ARIH1: variants seen among roughly 807,000 people sequenced by gnomAD.
The protein encoded by ARIH1 is E3 ubiquitin-protein ligase ARIH1.
ARIH1 carries 8 observed loss-of-function variants against 85.0 expected under a neutral mutation model. That is an observed-to-expected ratio of 0.09 (90% confidence interval 0.06 to 0.17). The LOEUF is 0.17. Among genes scored for constraint, ARIH1 ranks in the 10% least tolerant of loss-of-function variants. ARIH1 has a pLI of 1.00. For synonymous variants in ARIH1, 238 were observed against 253.6 expected, an observed-to-expected ratio of 0.94 and a Z score of 0.59; for missense variants, 311 against 718.1, an observed-to-expected ratio of 0.43 and a Z score of 6.48.
intron 5 of ARIH1, among the ~76,000 whole-genome samples, chr15:72,558,658 T>C (rs1175518550): frequency 2.6e-5 from 4 of 152,230 alleles, no homozygotes; most frequent in African/African-American, 9.6e-5. Flanking sequence ...ATTGTCTTAT[T>C]AATGACCAGA....
At chr15:72,479,733 T>C (rs917357616) in intron 1 of ARIH1, among the ~76,000 whole-genome samples, 1 of 151,960 alleles carries the variant, frequency 6.6e-6, no homozygotes, top group Non-Finnish European at 1.5e-5. Context: ...GAAAAAAATA[T>C]CTAAGCCTTA....
chr15:72,518,045 T>A (rs770684232), intron 1 of ARIH1, 22 bp from the exon 2 acceptor site: 21 of 1,583,778 alleles, frequency 1.3e-5, no homozygotes, highest in Non-Finnish European at 1.5e-5. Flanking sequence ...TTAAAATGAC[T>A]TTTTTTCCCC....
chr15:72,544,054 CAT>C (rs1020898127), intron 2 of ARIH1, among the ~76,000 whole-genome samples: 1 of 151,950 alleles, frequency 6.6e-6, no homozygotes, highest in African/African-American at 2.4e-5. Context: ...TAGTACTTGG[CAT>C]ATATATACTC....
In ARIH1 at chr15:72,552,520, C is replaced by T. The variant is rs370184668; in HGVS notation, c.589-2751C>T. Among the ~76,000 whole-genome samples the T allele has an allele frequency of 2.2e-4, 33 of 152,228 alleles. No homozygotes were observed. The East Asian group carries it at 5.0e-3, about 23-fold the overall frequency. On this transcript the variant is annotated intron_variant, in intron 3 of 13. Transcript: ENST00000379887. ...GGCCTGGCTGGTCTCAAACTCCTGACCTCAAATGATCTGCCCGCCTTGGCC... is the reference window on the plus strand; with the variant it reads ...GGCCTGGCTGGTCTCAAACTCCTGATCTCAAATGATCTGCCCGCCTTGGCC...
intron 2 of ARIH1, among the ~76,000 whole-genome samples, chr15:72,532,950 G>A (rs939383403): frequency 1.3e-5 from 2 of 152,150 alleles, no homozygotes; most frequent in African/African-American, 4.8e-5. Flanking sequence ...ACATTTGTAG[G>A]AGATATCATA....
At chr15:72,517,150 G>C (rs1487529351) in intron 1 of ARIH1, among the ~76,000 whole-genome samples, 1 of 152,218 alleles carries the variant, frequency 6.6e-6, no homozygotes, top group Non-Finnish European at 1.5e-5. Context: ...CAGCCTAAAA[G>C]TATGCCCTGT....
intron 1 of ARIH1, among the ~76,000 whole-genome samples, chr15:72,506,251 G>A (rs2063924268): frequency 6.6e-6 from 1 of 150,736 alleles, no homozygotes; most frequent in South Asian, 2.1e-4. Flanking sequence ...TCAGGAGGCT[G>A]AGGCAGGGGA....
At chr15:72,498,023 AT>A (rs906480954) in intron 1 of ARIH1, among the ~76,000 whole-genome samples, 1 of 151,896 alleles carries the variant, frequency 6.6e-6, no homozygotes. Flanking sequence ...TTTTTTAAAG[AT>A]TTTTTTTCAG....
chr15:72,569,082 G>T (rs2064232789), intron 9 of ARIH1, among the ~76,000 whole-genome samples: 1 of 152,148 alleles, frequency 6.6e-6, no homozygotes, highest in Non-Finnish European at 1.5e-5. Flanking sequence ...GCCGAGGTAG[G>T]CAGATTGCTT....
intron 11 of ARIH1, among the ~76,000 whole-genome samples, chr15:72,573,201 GTATA>G (rs921907730): frequency 3.3e-5 from 5 of 152,184 alleles, no homozygotes; most frequent in African/African-American, 1.2e-4. Context: ...ATAGAAATGA[GTATA>G]TATGTAACCT....
intron 2 of ARIH1, among the ~76,000 whole-genome samples, chr15:72,530,662 T>G (rs2064052452): frequency 6.6e-6 from 1 of 152,184 alleles, no homozygotes; most frequent in Non-Finnish European, 1.5e-5. Context: ...TTGTCAGACC[T>G]AGACCAAAAT....
rs546522733 is a variant in ARIH1, at chr15:72,592,683, T to C, written c.*9391T>C. 18 of 152,364 alleles carry C rather than the reference T, an allele frequency of 1.2e-4. No homozygotes were observed. Among genetic ancestry groups the C allele is most frequent in the African/African-American group, 3.8e-4 (16 of 41,582 alleles). The allele number at this position is 152,364 out of a possible 1,614,324, so 9.4% of individuals were successfully genotyped here. On this transcript the variant is annotated 3_prime_UTR_variant, in exon 14 of 14. Transcript: ENST00000379887. ...GGAATCATATAATAATGTACTCTTT[T>C]GCATCTGGCTTCTTTCACTGATAAT...
chr15:72,482,677 T>G (rs2063820917), intron 1 of ARIH1, among the ~76,000 whole-genome samples: 1 of 152,126 alleles, frequency 6.6e-6, no homozygotes, highest in Non-Finnish European at 1.5e-5. Flanking sequence ...ATCTTTTGCC[T>G]TATGTTACCC....
chr15:72,517,966 T>G (rs2063982594), intron 1 of ARIH1, 101 bp from the exon 2 acceptor site: 1 of 747,874 alleles, frequency 1.3e-6, no homozygotes, highest in African/African-American at 1.8e-5. Context: ...GATGGAAATT[T>G]GGGTGGAGTA....
rs1481061611 is a variant in ARIH1, at chr15:72,584,421, T to C, written c.*1129T>C. On this transcript the variant is annotated 3_prime_UTR_variant, in exon 14 of 14. Transcript: ENST00000379887. The stretch of plus-strand genomic sequence containing the variant: ...CATCCAGTGGAAGCATTTTAAAATT[T>C]CTTTTACTTTTTGGTTTTCCCTTAA... The C allele has an allele frequency of 6.6e-6, 1 of 152,248 alleles. No individual in the cohort carries two copies. The highest frequency in any genetic ancestry group is 2.4e-5 in the African/African-American group (1 of 41,454). The allele number at this position is 152,248 out of a possible 1,614,324, so 9.4% of individuals were successfully genotyped here.
chr15:72,516,610 G>C (rs2063976111), intron 1 of ARIH1, among the ~76,000 whole-genome samples: 1 of 152,172 alleles, frequency 6.6e-6, no homozygotes, highest in African/African-American at 2.4e-5. Flanking sequence ...TTAGGGGAGT[G>C]TGGGTCCAGA....
At chr15:72,478,176 C>T (rs62017904) in intron 1 of ARIH1, among the ~76,000 whole-genome samples, 2,298 of 152,168 alleles carry the variant, frequency 0.015, 35 homozygotes, top group Non-Finnish European at 0.023. Flanking sequence ...AGTGCAGTGG[C>T]GTGATCTCAG....
chr15:72,581,051 T>C (rs1242156343), intron 12 of ARIH1, 60 bp downstream of exon 12: 6 of 1,528,046 alleles, frequency 3.9e-6, no homozygotes, highest in Middle Eastern at 1.8e-4. Flanking sequence ...ACCTGATCTT[T>C]CATATATAAG....
At chr15:72,555,219 G>C in intron 3 of ARIH1, 52 bp from the exon 4 acceptor site, 1 of 1,370,154 alleles carries the variant, frequency 7.3e-7, no homozygotes, top group Non-Finnish European at 1.0e-6. Flanking sequence ...ACTGTTTATA[G>C]TGAGTTTTCT....
Sources: allele counts gnomAD v4.1 joint callset (sites outside exome capture counted in the v4.1 genomes callset), GRCh38; gene constraint gnomAD v4.1.1; transcripts MANE v1.5; gene names NCBI Gene and HGNC (gene_info 2026-07-23, HGNC 2026-07-21).